Variants in CDK14 observed in about 807,000 individuals in gnomAD.
CDK14 encodes the protein cyclin dependent kinase 14, also known as cyclin-dependent kinase 14.
In CDK14, 34 loss-of-function variants were observed where a neutral mutation model predicts 60.7. The observed-to-expected ratio is 0.56, with a 90% confidence interval of 0.43 to 0.75. CDK14 has a LOEUF of 0.75. Ranked by LOEUF, CDK14 falls within the 30% of genes least tolerant of loss-of-function variation. The pLI, the probability that CDK14 is intolerant of heterozygous loss-of-function variation, is 0.00. For synonymous variants in CDK14, 197 were observed against 203.7 expected (o/e 0.97, Z 0.28); for missense variants, 482 against 564.1 (o/e 0.85, Z 1.47).
chr7:90,883,325 G>A (rs181222919), intron 6 of CDK14, among the ~76,000 whole-genome samples: 40 of 152,234 alleles, frequency 2.6e-4, no homozygotes, highest in Non-Finnish European at 4.7e-4. Flanking sequence ...ACACCTCTAC[G>A]CAAATAAACT....
intron 9 of CDK14, among the ~76,000 whole-genome samples, chr7:90,983,117 T>C (rs1795275361): frequency 6.6e-6 from 1 of 152,100 alleles, no homozygotes. Context: ...TATAATAAAT[T>C]AGTTCAGCCA....
At chr7:90,743,527 A>G (rs1803439675) in intron 3 of CDK14, among the ~76,000 whole-genome samples, 2 of 152,138 alleles carry the variant, frequency 1.3e-5, no homozygotes, top group African/African-American at 4.8e-5. Context: ...CGCTGTTTCT[A>G]GTATTTGAGC....
chr7:91,194,647 A>T (rs1471259977), intron 14 of CDK14, among the ~76,000 whole-genome samples: 1 of 152,208 alleles, frequency 6.6e-6, no homozygotes, highest in Non-Finnish European at 1.5e-5. Context: ...TGCGATTTTA[A>T]TACCAACAGA....
intron 8 of CDK14, among the ~76,000 whole-genome samples, chr7:90,944,784 G>A (rs3779571): frequency 0.16 from 23,642 of 152,172 alleles, 2,108 homozygotes; most frequent in Middle Eastern, 0.27. Context: ...TGCCCCACCT[G>A]TGTGGGGCAG....
At chr7:90,637,003 C>T (rs867210155) in intron 2 of CDK14, among the ~76,000 whole-genome samples, 31 of 151,580 alleles carry the variant, frequency 2.0e-4, no homozygotes, top group African/African-American at 2.9e-4. Flanking sequence ...TTTTTTATTG[C>T]GTCTATTTGA....
chr7:90,781,192 T>C (rs113529397), intron 4 of CDK14, among the ~76,000 whole-genome samples: 23,594 of 152,216 alleles, frequency 0.16, 1,945 homozygotes, highest in Middle Eastern at 0.25. Context: ...TTTCATGTGT[T>C]TTTTGGCTGC....
At chr7:90,848,695 T>C (rs1790548527) in intron 5 of CDK14, among the ~76,000 whole-genome samples, 2 of 152,144 alleles carry the variant, frequency 1.3e-5, no homozygotes, top group African/African-American at 4.8e-5. Context: ...ATTAGTCTTA[T>C]CTGAAAAAGT....
intron 5 of CDK14, among the ~76,000 whole-genome samples, chr7:90,850,795 AGAG>A (rs1266616873): frequency 6.6e-6 from 1 of 152,172 alleles, no homozygotes; most frequent in Admixed American, 6.5e-5. Context: ...GGTTTTAAGA[AGAG>A]AAGTGACTAG....
chr7:90,657,831 A>G (rs1800781270), intron 2 of CDK14, among the ~76,000 whole-genome samples: 3 of 152,198 alleles, frequency 2.0e-5, no homozygotes, highest in African/African-American at 4.8e-5. Context: ...TTTAATTTTT[A>G]CTATATGCAA....
chr7:90,934,588 C>A (rs149531849), intron 8 of CDK14, among the ~76,000 whole-genome samples: 1 of 152,276 alleles, frequency 6.6e-6, no homozygotes, highest in Non-Finnish European at 1.5e-5. Flanking sequence ...ACTTTGTCAC[C>A]AGTTAGTTTT....
At chr7:90,971,653 T>TAAAAAAAAAAAAAAAAAAGA (rs1794936223) in intron 9 of CDK14, among the ~76,000 whole-genome samples, 1 of 119,540 alleles carries the variant, frequency 8.4e-6, no homozygotes, top group Non-Finnish European at 1.7e-5. Flanking sequence ...ATATACATAG[T>TAAAAAAAAAAAAAAAAAAGA]AAAAAAAAAA....
rs182673618 is a variant in CDK14, at chr7:90,935,584, C to T, written c.826+17860C>T. ...TTATGATTACAGTAGCTATAAATTC[C>T]TTAATTGCATGTATACCTATCTTTA... On this transcript the variant is annotated intron_variant, in intron 8 of 14. Coordinates refer to ENST00000380050, the MANE Select transcript of CDK14 (RefSeq NM_001287135.2). Among the ~76,000 whole-genome samples the T allele has an allele frequency of 1.3e-3, 195 of 152,164 alleles. 3 individuals carry two copies. The highest frequency in any genetic ancestry group is 0.012 in the South Asian group (57 of 4,820).
At chr7:90,792,585 C>T (rs73220808) in intron 5 of CDK14, among the ~76,000 whole-genome samples, 7,861 of 152,198 alleles carry the variant, frequency 0.052, 216 homozygotes, top group South Asian at 0.08. Flanking sequence ...CCAAATCTAG[C>T]CATGAACAAG....
chr7:90,711,881 T>TAC (rs1802072188), intron 2 of CDK14, among the ~76,000 whole-genome samples: 1 of 43,658 alleles, frequency 2.3e-5, no homozygotes, highest in Non-Finnish European at 4.7e-5. Flanking sequence ...TATAGTCTAC[T>TAC]ATGTTTTTTT....
chr7:90,692,242 T>G (rs960471070), intron 2 of CDK14, among the ~76,000 whole-genome samples: 4 of 152,190 alleles, frequency 2.6e-5, no homozygotes, highest in Non-Finnish European at 4.4e-5. Flanking sequence ...CAAGAGCGTA[T>G]TTTTTGTGTG....
chr7:90,791,913 T>TTC (rs1232837803), intron 5 of CDK14, among the ~76,000 whole-genome samples: 54 of 151,050 alleles, frequency 3.6e-4, no homozygotes, highest in Non-Finnish European at 6.8e-4. Flanking sequence ...CTTTTTTTTT[T>TTC]TTTTTCTGGG....
intron 14 of CDK14, among the ~76,000 whole-genome samples, chr7:91,199,662 A>T (rs4236518): frequency 6.6e-6 from 1 of 152,200 alleles, no homozygotes; most frequent in Non-Finnish European, 1.5e-5. Flanking sequence ...CATGTGAGAA[A>T]TGCTTTGTTT....
At chr7:90,693,717 T>C (rs1395515845) in intron 2 of CDK14, among the ~76,000 whole-genome samples, 1 of 152,220 alleles carries the variant, frequency 6.6e-6, no homozygotes, top group Non-Finnish European at 1.5e-5. Flanking sequence ...TATTGGGCCT[T>C]CTGCCTTTGT....
chr7:90,727,050 C>A (rs1802662568), intron 3 of CDK14, among the ~76,000 whole-genome samples: 1 of 152,032 alleles, frequency 6.6e-6, no homozygotes, highest in Non-Finnish European at 1.5e-5. Context: ...ATCATTTTTC[C>A]CCCTTAATTG....
Sources: gnomAD v4.1 joint callset for allele counts (sites outside exome capture counted in the v4.1 genomes callset) on GRCh38, gnomAD v4.1.1 for gene constraint, MANE v1.5 for transcripts, NCBI Gene and HGNC (gene_info 2026-07-23, HGNC 2026-07-21) for gene names.